The following PLG variants were observed in gnomAD, a reference collection of about 807,000 sequenced individuals.
The protein encoded by PLG is plasminogen.
PLG carries 41 observed loss-of-function variants against 104.4 expected under a neutral mutation model. The observed-to-expected ratio is 0.39, with a 90% CI of 0.31 to 0.51. PLG has a LOEUF of 0.51. PLG is among the 20% of genes least tolerant of loss of function. The probability of loss-of-function intolerance (pLI) is 0.76; values close to 1 mark genes in which losing one functional copy is unlikely to be tolerated. For synonymous variants in PLG, 337 were observed against 357.1 expected (o/e 0.94, Z 0.63); for missense variants, 891 against 1,003.6 (o/e 0.89, Z 1.52).
At chr6:160,743,185 A>G (rs748412405) in intron 17 of PLG, among the ~76,000 whole-genome samples, 31 of 152,094 alleles carry the variant, frequency 2.0e-4, no homozygotes, top group Non-Finnish European at 3.8e-4. Context: ...GTTTTTTAAT[A>G]GTGCTGTGAA....
At chr6:160,733,912 G>C (rs765283119) in intron 12 of PLG, 83 bp from the exon 13 acceptor site, 1 of 707,546 alleles carries the variant, frequency 1.4e-6, no homozygotes, top group East Asian at 2.8e-5. Context: ...TCTAAGGATA[G>C]ACATGAAATG....
chr6:160,711,132 C>G lies in PLG; in HGVS notation c.348C>G (p.Ser116=). The G allele has an allele frequency of 6.2e-7, 1 of 1,610,814 alleles. No individual in the cohort carries two copies. Among genetic ancestry groups the G allele is most frequent in the Non-Finnish European group, 8.5e-7 (1 of 1,177,282 alleles). The change falls in exon 4 of 19, where the codon TCC becomes TCG. Residue 116 remains serine, a synonymous_variant. Coordinates refer to ENST00000308192, the MANE Select transcript of PLG (RefSeq NM_000301.5). ...GNGKNYRGTM[S]KTKNGITCQK... ...GAAAGAACTACAGAGGGACGATGTC[C>G]AAAACAAAAAATGGCATCACCTGTC...
Position 160,713,053 on chromosome 6 carries a change from C to A in PLG, c.475C>A (p.Pro159Thr). Residue 159 changes from proline to threonine, a missense_variant, in exon 5 of 19, where the codon CCG (proline) becomes ACG (threonine). This residue lies in a region of PLG where 854 missense variants were observed against 932.1 expected (regional missense o/e 0.92). Coordinates refer to ENST00000308192, the MANE Select transcript of PLG (RefSeq NM_000301.5). ...ENYCRNPDND[P>T]QGPWCYTTDP... ...CTACTGCAGGAATCCAGACAACGAT[C>A]CGCAGGGGCCCTGGTGCTATACTAC... 1.2e-6 allele frequency: 2 copies of A among 1,607,956 alleles called. No homozygotes were observed. The highest frequency in any genetic ancestry group is 1.7e-6 in the Non-Finnish European group (2 of 1,176,204).
At chr6:160,711,359 A>C in intron 4 of PLG, 168 bp downstream of exon 4, 1 of 707,374 alleles carries the variant, frequency 1.4e-6, no homozygotes, top group East Asian at 2.7e-5. Flanking sequence ...TCTCTTGTAT[A>C]ATCCCTAATA....
Position 160,736,815 on chromosome 6 carries a change from A to G in PLG, c.1682-72A>G. The G allele has an allele frequency of 1.3e-6, 2 of 1,596,054 alleles. No individual in the cohort carries two copies. Among genetic ancestry groups the G allele is most frequent in the Non-Finnish European group, 1.7e-6 (2 of 1,165,374 alleles). Reference sequence around the variant, plus strand: ...AGATGTCAAAAACTCAGTGCTTGGAATTTGTCTCGAATTACACCACAAAAT... The same window carrying G: ...AGATGTCAAAAACTCAGTGCTTGGAGTTTGTCTCGAATTACACCACAAAAT... On this transcript the variant is annotated intron_variant, in intron 13 of 18. Transcript: ENST00000308192. This position sits in a 1 kb window ranked among gnomAD's most constrained non-coding sequence, Gnocchi z 5.2.
In PLG at chr6:160,709,160, T is replaced by A. The variant is rs1175681645; in HGVS notation, c.292+1354T>A. Among the ~76,000 whole-genome samples the A allele has an allele frequency of 2.0e-5, 3 of 152,218 alleles. No individual in the cohort carries two copies. In the South Asian group the frequency reaches 6.2e-4, roughly 32 times the overall value. ...GAGCAAAAGGTTATATAAACTCTGA[T>A]GGGTACATACAAAAAAAAAAGAAGT... On this transcript the variant is annotated intron_variant, in intron 3 of 18. Transcript: ENST00000308192.
At position 160,723,090 on chromosome 6, in the gene PLG, A is replaced by AGTGTGTATATATATGTACACATAT. The variant is rs1777864164; in HGVS notation, c.1256+524_1256+547dup. ...ATGAGATATACAAGTATACATATAT[A>AGTGTGTATATATATGTACACATAT]GTGTGTATATATATGTACACATATA... is the stretch of plus-strand genomic sequence containing the variant. On this transcript the variant is annotated intron_variant, in intron 10 of 18. Coordinates refer to ENST00000308192, the MANE Select transcript of PLG (RefSeq NM_000301.5). The surrounding 1 kb of genome is among the most constrained non-coding windows in gnomAD (Gnocchi z 4.7). 6.8e-6 allele frequency among the ~76,000 whole-genome samples: 1 copy of AGTGTGTATATATATGTACACATAT among 146,026 alleles called. No homozygotes were observed. Among genetic ancestry groups the AGTGTGTATATATATGTACACATAT allele is most frequent in the African/African-American group, 2.7e-5 (1 of 36,376 alleles).
intron 1 of PLG, among the ~76,000 whole-genome samples, chr6:160,702,784 G>C (rs1777443517): frequency 6.6e-6 from 1 of 152,180 alleles, no homozygotes; most frequent in Non-Finnish European, 1.5e-5. Context: ...TCTCTCACCA[G>C]TTCATGGTGG....
At position 160,739,785 on chromosome 6, in the gene PLG, A is replaced by G. The variant is rs1200830487; in HGVS notation, c.2018+577A>G. Among the ~76,000 whole-genome samples the G allele has an allele frequency of 1.4e-5, 2 of 145,482 alleles. No homozygotes were observed. The highest frequency in any genetic ancestry group is 5.6e-5 in the African/African-American group (2 of 35,448). ...CAAAAAAAAAAACACCAAAAAAACAAAAAACAAACAAAAAAAAAACAACTT... is the reference window on the plus strand; with the variant it reads ...CAAAAAAAAAAACACCAAAAAAACAGAAAACAAACAAAAAAAAAACAACTT... On this transcript the variant is annotated intron_variant, in intron 16 of 18. Transcript: ENST00000308192. This position sits in a 1 kb window ranked among gnomAD's most constrained non-coding sequence, Gnocchi z 4.4.
In PLG at chr6:160,724,456, C is replaced by A. The variant is rs1358152826; in HGVS notation, c.1256+1889C>A. Among the ~76,000 whole-genome samples the A allele has an allele frequency of 6.6e-6, 1 of 151,826 alleles. No individual in the cohort carries two copies. Among genetic ancestry groups the A allele is most frequent in the Non-Finnish European group, 1.5e-5 (1 of 67,954 alleles). ...AGACTGAAAAGATAAAGAAACAGAG[C>A]CTCAAGAATATCTATGAAAATATCA... On this transcript the variant is annotated intron_variant, in intron 10 of 18. Transcript: ENST00000308192. This position sits in a 1 kb window ranked among gnomAD's most constrained non-coding sequence, Gnocchi z 5.0.
intron 4 of PLG, among the ~76,000 whole-genome samples, chr6:160,712,492 C>T (rs1332970821): frequency 4.6e-5 from 7 of 152,144 alleles, no homozygotes; most frequent in South Asian, 2.1e-4. Flanking sequence ...TTTTGTTTTA[C>T]GTTGCCACTC....
intron 17 of PLG, among the ~76,000 whole-genome samples, chr6:160,748,159 G>T (rs1161559679): frequency 6.6e-6 from 1 of 151,286 alleles, no homozygotes; most frequent in Non-Finnish European, 1.5e-5. Flanking sequence ...ACAAAAATTA[G>T]CCGGGTGTGG....
At chr6:160,717,453 T>C (rs547949579) in intron 7 of PLG, among the ~76,000 whole-genome samples, 2 of 124,948 alleles carry the variant, frequency 1.6e-5, no homozygotes, top group South Asian at 2.6e-4. Context: ...TTTATGAATA[T>C]TAATTTCTCT....
intron 4 of PLG, chr6:160,711,959 A>G: frequency 8.0e-7 from 1 of 1,255,712 alleles, no homozygotes; most frequent in Non-Finnish European, 1.0e-6. Flanking sequence ...GTTAGGTGGC[A>G]TTAAGTTCTC....
rs190835432 is a variant in PLG, at chr6:160,723,356, G to A, written c.1256+789G>A. The stretch of plus-strand genomic sequence containing the variant: ...CAAGGACAGCTTTTCTTCCATAAAT[G>A]AGTACACAATATATGGAAAAAACTA... On this transcript the variant is annotated intron_variant, in intron 10 of 18. Transcript: ENST00000308192. This position sits in a 1 kb window ranked among gnomAD's most constrained non-coding sequence, Gnocchi z 4.7. Among the ~76,000 whole-genome samples the A allele has an allele frequency of 6.6e-6, 1 of 152,070 alleles. No homozygotes were observed. The highest frequency in any genetic ancestry group is 2.4e-5 in the African/African-American group (1 of 41,384).
Position 160,718,715 on chromosome 6 carries a change from C to T in PLG, c.973C>T (p.Arg325Cys). The T allele has an allele frequency of 6.2e-7, 1 of 1,613,932 alleles. No individual in the cohort carries two copies. Among genetic ancestry groups the T allele is most frequent in the Non-Finnish European group, 8.5e-7 (1 of 1,179,890 alleles). The change falls in exon 9 of 19, where the codon CGC becomes TGC. Residue 325 changes from arginine (R) to cysteine (C), a missense_variant. This residue lies in a region of PLG where 854 missense variants were observed against 932.1 expected (regional missense o/e 0.92). Coordinates refer to ENST00000308192, the MANE Select transcript of PLG (RefSeq NM_000301.5). Reference sequence around the variant, plus strand: ...CAGAAATTTGGATGAAAACTACTGCCGCAATCCTGACGGAAAAAGGGCCCC... The same window carrying T: ...CAGAAATTTGGATGAAAACTACTGCTGCAATCCTGACGGAAAAAGGGCCCC... Reference protein sequence around the residue: ...PCKNLDENYCRNPDGKRAPWC... With the variant: ...PCKNLDENYCCNPDGKRAPWC...
chr6:160,738,355 C>G lies in PLG; in HGVS notation c.1803-183C>G. 1 of 618,660 alleles carries G rather than the reference C, an allele frequency of 1.6e-6. No homozygotes were observed. The highest frequency in any genetic ancestry group is 3.0e-5 in the East Asian group (1 of 33,308). 38.3% of individuals were successfully genotyped at this position (618,660 alleles called of 1,614,324 possible). ...AAAATTGGCATAGATGGGCCCTTCTCAAAAATCCCACTCCTGGAGCACTGG... is the reference window on the plus strand; with the variant it reads ...AAAATTGGCATAGATGGGCCCTTCTGAAAAATCCCACTCCTGGAGCACTGG... On this transcript the variant is annotated intron_variant, in intron 14 of 18. Coordinates refer to ENST00000308192, the MANE Select transcript of PLG (RefSeq NM_000301.5). The surrounding 1 kb of genome is among the most constrained non-coding windows in gnomAD (Gnocchi z 6.8).
rs141284301 is a variant in PLG at position 160,711,100 on chromosome 6, G to A, written c.316G>A (p.Gly106Arg). The change falls in exon 4 of 19, where the codon GGG (glycine) becomes AGG (arginine). Residue 106 changes from glycine to arginine, a missense_variant. Coordinates refer to ENST00000308192, the MANE Select transcript of PLG (RefSeq NM_000301.5). ...AGTGTATCTCTCAGAGTGCAAGACTGGGAATGGAAAGAACTACAGAGGGAC... is the reference window on the plus strand; with the variant it reads ...AGTGTATCTCTCAGAGTGCAAGACTAGGAATGGAAAGAACTACAGAGGGAC... ...KKVYLSECKTGNGKNYRGTMS... is the reference protein window; with the variant it reads ...KKVYLSECKTRNGKNYRGTMS... 4.3e-6 allele frequency: 7 copies of A among 1,612,580 alleles called. No individual in the cohort carries two copies. The South Asian group carries it at 6.6e-5, about 15-fold the overall frequency.
rs868088736 is a variant in PLG, at chr6:160,749,912, A to G, written c.2126-2203A>G. Among the ~76,000 whole-genome samples the G allele has an allele frequency of 2.0e-3, 294 of 149,202 alleles. 1 individual carries two copies. Among genetic ancestry groups the G allele is most frequent in the African/African-American group, 6.7e-3 (273 of 40,546 alleles). On this transcript the variant is annotated intron_variant, in intron 17 of 18. Transcript: ENST00000308192. ...CCACCATTCCACCACTGCCACCACCACCACCACCATCACTATCATTAACAA... is the reference window on the plus strand; with the variant it reads ...CCACCATTCCACCACTGCCACCACCGCCACCACCATCACTATCATTAACAA...
Sources: gnomAD v4.1 joint callset for allele counts (sites outside exome capture counted in the v4.1 genomes callset) on GRCh38, gnomAD v4.1.1 for gene constraint, gnomAD v4.1.1 regional missense constraint, Gnocchi (gnomAD v3.1) non-coding constraint, MANE v1.5 for transcripts, NCBI Gene and HGNC (gene_info 2026-07-23, HGNC 2026-07-21) for gene names.